CLCA1: variants seen among roughly 807,000 people sequenced by gnomAD.
CLCA1 encodes the protein chloride channel accessory 1.
A neutral mutation model predicts 85.6 loss-of-function variants in CLCA1; 59 were observed. The observed-to-expected ratio is 0.69, with a 90% confidence interval of 0.56 to 0.86. The LOEUF (loss-of-function observed/expected upper bound fraction) is 0.86. Among genes scored for constraint, CLCA1 ranks in the 40% least tolerant of loss-of-function variants. The pLI, the probability that CLCA1 is intolerant of heterozygous loss-of-function variation, is 0.00. For synonymous variants in CLCA1, 396 were observed against 398.3 expected (o/e 0.99, Z 0.07); for missense variants, 1,022 against 1,101.4 (o/e 0.93, Z 1.02).
At chr1:86,469,433 G>C (rs1647438234) in intron 1 of CLCA1, among the ~76,000 whole-genome samples, 1 of 152,150 alleles carries the variant, frequency 6.6e-6, no homozygotes, top group Non-Finnish European at 1.5e-5. Context: ...CTATAGTAAG[G>C]CAGAGTCAGC....
intron 6 of CLCA1, among the ~76,000 whole-genome samples, chr1:86,486,137 C>T (rs1032716879): frequency 6.6e-6 from 1 of 152,118 alleles, no homozygotes; most frequent in Non-Finnish European, 1.5e-5. Flanking sequence ...GAAGAAACCA[C>T]CTCCATGTTC....
rs1204087827 is a variant in CLCA1 at position 86,488,978 on chromosome 1, C to G, written c.1183-18C>G. On this transcript the variant is annotated intron_variant, in intron 7 of 13. Transcript: ENST00000394711. ...CCACCCTAAGTCTGATAACTCGTGC[C>G]CTAAATTCTGTCCTTAGGTGATTAG... 1 of 1,608,150 alleles carries G rather than the reference C, an allele frequency of 6.2e-7. No individual in the cohort carries two copies. The highest frequency in any genetic ancestry group is 8.5e-7 in the Non-Finnish European group (1 of 1,175,838).
intron 12 of CLCA1, among the ~76,000 whole-genome samples, chr1:86,498,185 AGGAT>A (rs777563551): frequency 0.23 from 29,073 of 126,062 alleles, 4,048 homozygotes; most frequent in Non-Finnish European, 0.28. Flanking sequence ...GAAGGAAGGA[AGGAT>A]GGAAGGAAGG....
Position 86,482,228 on chromosome 1 carries a change from C to G in CLCA1, c.581C>G (p.Thr194Arg). The part of the protein sequence containing the change: ...AVRCSAGITG[T>R]NVVKKCQGGS... The stretch of plus-strand genomic sequence containing the variant: ...AGATGTTCAGCAGGTATTACTGGTA[C>G]AAATGTAGTAAAGAAGTGTCAGGGA... Residue 194 changes from threonine (T) to arginine (R), a missense_variant, in exon 5 of 14, where the codon ACA becomes AGA. Physicochemically the swap from Thr to Arg is moderately conservative, Grantham distance 71. Transcript: ENST00000394711. 2 of 1,613,644 alleles carry G rather than the reference C, an allele frequency of 1.2e-6. No homozygotes were observed. The highest frequency in any genetic ancestry group is 8.5e-7 in the Non-Finnish European group (1 of 1,179,688).
At position 86,500,152 on chromosome 1, in the gene CLCA1, T is replaced by A; in HGVS notation, c.*107T>A. ...TTCCTGTAGGGGGCGATATACTAAA[T>A]GTATATAGTACATTTATACTAAATG... On this transcript the variant is annotated 3_prime_UTR_variant, in exon 14 of 14. Coordinates refer to ENST00000394711, the MANE Select transcript of CLCA1 (RefSeq NM_001285.4). The A allele has an allele frequency of 1.5e-6, 1 of 673,632 alleles. No individual in the cohort carries two copies. The highest frequency in any genetic ancestry group is 2.6e-6 in the Non-Finnish European group (1 of 391,810). The allele number at this position is 673,632 out of a possible 1,614,324, so 41.7% of individuals were successfully genotyped here. A position where few individuals can be genotyped will look rare whatever the true frequency, so the allele number is the denominator to read the frequency against.
chr1:86,495,043 A>AT (rs529080143), intron 11 of CLCA1, among the ~76,000 whole-genome samples: 13,261 of 151,788 alleles, frequency 0.087, 782 homozygotes, highest in East Asian at 0.21. Flanking sequence ...CAGTTTAAAA[A>AT]AAAAAAAAAA....
At chr1:86,484,354 C>G (rs747177027) in intron 5 of CLCA1, among the ~76,000 whole-genome samples, 19 of 152,128 alleles carry the variant, frequency 1.2e-4, no homozygotes, top group Non-Finnish European at 2.2e-4. Context: ...GAGTTTACAA[C>G]GTAGAAGACA....
At position 86,486,721 on chromosome 1, in the gene CLCA1, T is replaced by A; in HGVS notation, c.1150T>A (p.Ser384Thr). 1 of 1,614,224 alleles carries A rather than the reference T, an allele frequency of 6.2e-7. No homozygotes were observed. Among genetic ancestry groups the A allele is most frequent in the South Asian group, 1.1e-5 (1 of 91,088 alleles). ...ACCTGCAGCAGCTTCAGGAGGGACG[T>A]CCATCTGCAGCGGGCTTCGATCGGC... ...RLPAAASGGT[S>T]ICSGLRSAFT... is the part of the protein sequence containing the mutation. Residue 384 changes from serine to threonine, a missense_variant, in exon 7 of 14, where the codon TCC becomes ACC. By Grantham distance (58) the Ser-to-Thr change is moderately conservative. Coordinates refer to ENST00000394711, the MANE Select transcript of CLCA1 (RefSeq NM_001285.4).
At chr1:86,494,037 C>T (rs558235593) in intron 10 of CLCA1, 150 bp from the exon 11 acceptor site, 31 of 846,200 alleles carry the variant, frequency 3.7e-5, no homozygotes, top group Non-Finnish European at 4.7e-5. Context: ...TGAAGCTCCC[C>T]GTGGCTGACA....
At chr1:86,490,995 A>G (rs987514647) in intron 8 of CLCA1, among the ~76,000 whole-genome samples, 1 of 151,912 alleles carries the variant, frequency 6.6e-6, no homozygotes, top group Non-Finnish European at 1.5e-5. Flanking sequence ...AGATCGCTTG[A>G]GCCTGGAAGG....
intron 12 of CLCA1, among the ~76,000 whole-genome samples, chr1:86,496,052 G>T (rs1648274598): frequency 6.6e-6 from 1 of 152,138 alleles, no homozygotes; most frequent in South Asian, 2.1e-4. Flanking sequence ...AGTATTTTGT[G>T]TAATCTTTTT....
intron 6 of CLCA1, 21 bp from the exon 7 acceptor site, chr1:86,486,505 T>C (rs1558140785): frequency 6.2e-7 from 1 of 1,610,594 alleles, no homozygotes; most frequent in South Asian, 1.1e-5. Context: ...TAACCTGTTT[T>C]TCTTTTGCTT....
rs535366156 is a variant in CLCA1, at chr1:86,469,120, T to G, written c.149T>G (p.Ile50Ser). 1.9e-5 allele frequency: 30 copies of G among 1,604,166 alleles called. No individual in the cohort carries two copies. The highest frequency in any genetic ancestry group is 2.5e-5 in the Non-Finnish European group (29 of 1,174,450). Residue 50 changes from isoleucine to serine, a missense_variant, in exon 1 of 14, where the codon ATT becomes AGT. Ile to Ser is a moderately radical substitution (Grantham distance 142, BLOSUM62 -2). Coordinates refer to ENST00000394711, the MANE Select transcript of CLCA1 (RefSeq NM_001285.4). ...DPNVPEDETL[I>S]QQIKDMVTQA... ...AATGTGCCAGAAGATGAAACACTCA[T>G]TCAACAAATAAAGGTAAGTTCATAG...
rs1044922461 is a variant in CLCA1, at chr1:86,498,074, C to G, written c.2114-498C>G. Among the ~76,000 whole-genome samples, 16 of 151,770 alleles carry G rather than the reference C, an allele frequency of 1.1e-4. No individual in the cohort carries two copies. The East Asian group carries it at 2.7e-3, about 26-fold the overall frequency. On this transcript the variant is annotated intron_variant, in intron 12 of 13. Transcript: ENST00000394711. Reference sequence around the variant, plus strand: ...AGGAGAATCACCTGAACCCAGGAGGCAGAGGTTGTAGTGAGCCAAGATTGC... The same window carrying G: ...AGGAGAATCACCTGAACCCAGGAGGGAGAGGTTGTAGTGAGCCAAGATTGC...
chr1:86,495,927 C>T (rs1648270964), intron 12 of CLCA1, among the ~76,000 whole-genome samples: 1 of 152,166 alleles, frequency 6.6e-6, no homozygotes, highest in Admixed American at 6.5e-5. Context: ...TCAAAAATGT[C>T]TCCATATGTG....
chr1:86,471,341 G>A (rs5744310), intron 1 of CLCA1, among the ~76,000 whole-genome samples: 1,812 of 152,248 alleles, frequency 0.012, 45 homozygotes, highest in African/African-American at 0.042. Flanking sequence ...GAAGTCCAGT[G>A]GTCAATATAC....
intron 5 of CLCA1, among the ~76,000 whole-genome samples, chr1:86,482,909 G>A (rs964706657): frequency 6.6e-6 from 1 of 152,036 alleles, no homozygotes; most frequent in Non-Finnish European, 1.5e-5. Flanking sequence ...TGAATAACTG[G>A]TCATAAAATG....
rs373476030 is a variant in CLCA1 at position 86,495,618 on chromosome 1, C to T, written c.2056C>T (p.Arg686Trp). Residue 686 changes from arginine to tryptophan, a missense_variant, in exon 12 of 14, where the codon CGG becomes TGG. By Grantham distance (101) the Arg-to-Trp change is moderately radical. Transcript: ENST00000394711. The stretch of plus-strand genomic sequence containing the variant: ...TCTGGGAGGAGTTAACGCAGCCAGA[C>T]GGAGAGTGATACCCCAGCAGAGTGG... ...RALGGVNAAR[R>W]RVIPQQSGAL... The T allele has an allele frequency of 4.1e-5, 66 of 1,614,044 alleles. No homozygotes were observed. Among genetic ancestry groups the T allele is most frequent in the Middle Eastern group, 1.6e-4 (1 of 6,062 alleles).
intron 4 of CLCA1, among the ~76,000 whole-genome samples, chr1:86,477,003 G>A (rs1209773229): frequency 2.0e-5 from 3 of 152,156 alleles, no homozygotes; most frequent in Admixed American, 6.5e-5. Flanking sequence ...TCAGCCTCCC[G>A]GGCTCAAGCA....
Sources: allele counts gnomAD v4.1 joint callset (sites outside exome capture counted in the v4.1 genomes callset), GRCh38; gene constraint gnomAD v4.1.1; transcripts MANE v1.5; gene names NCBI Gene and HGNC (gene_info 2026-07-23, HGNC 2026-07-21).